Variants in UGT1A10 observed in about 807,000 individuals in gnomAD.
UGT1A10 encodes UDP-glucuronosyltransferase 1A10.
In UGT1A10, 49 loss-of-function variants were observed where a neutral mutation model predicts 45.8. That is an observed-to-expected ratio of 1.07 (90% confidence interval 0.85 to 1.36). The LOEUF (loss-of-function observed/expected upper bound fraction) is 1.36. UGT1A10 is among the 40% of genes most tolerant of loss of function. The pLI is 0.00. For missense variants in UGT1A10, 745 were observed against 668.6 expected (o/e 1.11, Z -1.26); for synonymous variants, 284 against 249.7 (o/e 1.14, Z -1.29).
At chr2:233,660,698 C>G (rs1413175416) in intron 1 of UGT1A10, among the ~76,000 whole-genome samples, 2 of 152,252 alleles carry the variant, frequency 1.3e-5, no homozygotes, top group South Asian at 2.1e-4. Flanking sequence ...GGCTTAAATC[C>G]TCGTGCCCGC....
intron 1 of UGT1A10, among the ~76,000 whole-genome samples, chr2:233,763,590 A>G (rs772976697): frequency 6.6e-6 from 1 of 152,156 alleles, no homozygotes; most frequent in Non-Finnish European, 1.5e-5. Flanking sequence ...TTCCTTTGTT[A>G]ACTAAAAATG....
At chr2:233,731,639 A>T (rs2078185645) in intron 1 of UGT1A10, among the ~76,000 whole-genome samples, 1 of 152,176 alleles carries the variant, frequency 6.6e-6, no homozygotes, top group Non-Finnish European at 1.5e-5. Flanking sequence ...GCTGCATAGT[A>T]TTCCATGGTG....
chr2:233,724,847 C>T (rs1352664169), intron 1 of UGT1A10, among the ~76,000 whole-genome samples: 1 of 131,490 alleles, frequency 7.6e-6, no homozygotes, highest in Non-Finnish European at 1.6e-5. Flanking sequence ...CCAAGGCAGG[C>T]GGCTGGGAGG....
Position 233,719,547 on chromosome 2 carries a change from GTGTCAGTGGTGGATCT to G in UGT1A10, c.856-47480_856-47465del. 3 of 1,613,900 alleles carry G rather than the reference GTGTCAGTGGTGGATCT, an allele frequency of 1.9e-6. No individual in the cohort carries two copies. The Middle Eastern group carries it at 5.0e-4, about 266-fold the overall frequency. The stretch of plus-strand genomic sequence containing the variant: ...TGCCTCTGAGCTTTTTCAGAGAGAG[GTGTCAGTGGTGGATCT>G]TGTCAGCTATGCATCCGTGTGGCTG... On this transcript the variant is annotated intron_variant, in intron 1 of 4. Coordinates refer to ENST00000344644, the MANE Select transcript of UGT1A10 (RefSeq NM_019075.4).
chr2:233,738,299 G>A (rs1452652479), intron 1 of UGT1A10, among the ~76,000 whole-genome samples: 1 of 152,208 alleles, frequency 6.6e-6, no homozygotes, highest in Non-Finnish European at 1.5e-5. Flanking sequence ...TCTTGGGTAT[G>A]TCTTTATAGC....
In UGT1A10 at chr2:233,690,700, G is replaced by A. The variant is rs552015740; in HGVS notation, c.855+53323G>A. The A allele has an allele frequency of 1.2e-4, 152 of 1,232,616 alleles. 2 individuals are homozygous for A. The Admixed American group carries it at 4.7e-3, about 38-fold the overall frequency. 76.4% of individuals were successfully genotyped at this position (1,232,616 alleles called of 1,614,324 possible). On this transcript the variant is annotated intron_variant, in intron 1 of 4. Coordinates refer to ENST00000344644, the MANE Select transcript of UGT1A10 (RefSeq NM_019075.4). ...GGTCTCCAGCGGAGCTACTCTTTAG[G>A]GATCGTCATTATGACGAACAGACAT...
intron 1 of UGT1A10, among the ~76,000 whole-genome samples, chr2:233,652,833 T>C (rs2073771285): frequency 6.6e-6 from 1 of 152,262 alleles, no homozygotes; most frequent in Middle Eastern, 3.4e-3. Flanking sequence ...AATAGCTAAA[T>C]AGAAAAGCTA....
intron 1 of UGT1A10, among the ~76,000 whole-genome samples, chr2:233,745,061 T>C (rs115414076): frequency 0.034 from 5,145 of 151,980 alleles, 165 homozygotes; most frequent in African/African-American, 0.052. Context: ...TTATTTGTAT[T>C]ATTTGTATTG....
intron 1 of UGT1A10, among the ~76,000 whole-genome samples, chr2:233,715,004 G>T (rs1008928974): frequency 2.6e-5 from 4 of 152,136 alleles, no homozygotes; most frequent in African/African-American, 4.8e-5. Context: ...AGCCTCCCAA[G>T]TAGCTGGAAC....
chr2:233,743,427 G>A, intron 1 of UGT1A10: 2 of 1,349,658 alleles, frequency 1.5e-6, no homozygotes, highest in South Asian at 2.3e-5. Context: ...GGGAGCCAAA[G>A]GAACGAAATC....
chr2:233,695,818 A>G (rs1184155608), intron 1 of UGT1A10, among the ~76,000 whole-genome samples: 1 of 152,200 alleles, frequency 6.6e-6, no homozygotes, highest in Non-Finnish European at 1.5e-5. Context: ...GGAAAACAAA[A>G]CCAACAAAAA....
In UGT1A10 at chr2:233,648,065, C is replaced by T. The variant is rs145242971; in HGVS notation, c.855+10688C>T. ...TCACTGAATTGCACAGTGAAGACTT[C>T]TTCAACCTTATACACCCTGGAGGAT... On this transcript the variant is annotated intron_variant, in intron 1 of 4. Coordinates refer to ENST00000344644, the MANE Select transcript of UGT1A10 (RefSeq NM_019075.4). 4.5e-6 allele frequency: 7 copies of T among 1,567,540 alleles called. No individual in the cohort carries two copies. The East Asian group carries it at 1.6e-4, about 35-fold the overall frequency.
At chr2:233,710,719 TA>T (rs2076144799) in intron 1 of UGT1A10, among the ~76,000 whole-genome samples, 1 of 152,218 alleles carries the variant, frequency 6.6e-6, no homozygotes, top group South Asian at 2.1e-4. Context: ...TTTCATTTTT[TA>T]AAAAACAACG....
intron 1 of UGT1A10, chr2:233,755,047 C>T (rs1236246701): frequency 7.5e-7 from 1 of 1,329,234 alleles, no homozygotes; most frequent in Non-Finnish European, 1.0e-6. Context: ...GCGCAGCCGC[C>T]CTCCGCCCTC....
chr2:233,725,249 G>GGAGGCAGAGGCAGAGGAGGCAGAGGCA (rs1559370464), intron 1 of UGT1A10, among the ~76,000 whole-genome samples: 1 of 48,520 alleles, frequency 2.1e-5, no homozygotes, highest in Non-Finnish European at 3.8e-5. Context: ...CAGAGGCAGA[G>GGAGGCAGAGGCAGAGGAGGCAGAGGCA]GAGGCAGAGG....
chr2:233,644,169 T>C (rs1001145622), intron 1 of UGT1A10, among the ~76,000 whole-genome samples: 8 of 152,178 alleles, frequency 5.3e-5, no homozygotes, highest in Non-Finnish European at 8.8e-5. Context: ...GCCTTTCAAG[T>C]TTACTTGAGG....
At chr2:233,643,183 A>G (rs550294164) in intron 1 of UGT1A10, among the ~76,000 whole-genome samples, 32 of 152,318 alleles carry the variant, frequency 2.1e-4, no homozygotes, top group Non-Finnish European at 4.6e-4. Context: ...AGTGCCATCT[A>G]GGAGTCAGGG....
intron 1 of UGT1A10, chr2:233,648,399 CAG>C (rs1292819453): frequency 3.3e-6 from 1 of 301,074 alleles, no homozygotes; most frequent in African/African-American, 2.2e-5. Flanking sequence ...CTCTTTCCTA[CAG>C]TCCTAGATAT....
intron 1 of UGT1A10, among the ~76,000 whole-genome samples, chr2:233,759,538 A>C (rs1009544779): frequency 1.3e-5 from 2 of 152,036 alleles, no homozygotes; most frequent in Non-Finnish European, 2.9e-5. Context: ...TTCTGTTCAC[A>C]TGCGCTCCAG....
Sources: gnomAD v4.1 joint callset for allele counts (sites outside exome capture counted in the v4.1 genomes callset) on GRCh38, gnomAD v4.1.1 for gene constraint, MANE v1.5 for transcripts, NCBI Gene and HGNC (gene_info 2026-07-23, HGNC 2026-07-21) for gene names.